Variants in EYS observed in about 807,000 individuals in gnomAD.
The protein encoded by EYS is EGF-like photoreceptor maintenance factor, also known as protein eyes shut homolog.
In EYS, 250 loss-of-function variants were observed where a neutral mutation model predicts 282.1. That is an observed-to-expected ratio of 0.89 (90% CI 0.80 to 0.98). The LOEUF is 0.98. EYS is among the 50% of genes least tolerant of loss of function. The pLI, the probability that EYS is intolerant of heterozygous loss-of-function variation, is 0.00. For missense variants in EYS, 4,016 were observed against 3,709.0 expected (o/e 1.08, Z -2.15); for synonymous variants, 1,355 against 1,282.9 (o/e 1.06, Z -1.20).
chr6:65,124,167 T>A (rs1561978427), intron 12 of EYS, among the ~76,000 whole-genome samples: 1 of 151,840 alleles, frequency 6.6e-6, no homozygotes, highest in Non-Finnish European at 1.5e-5. Context: ...AGTGAGACAC[T>A]GTCTCAAAAA....
intron 2 of EYS, among the ~76,000 whole-genome samples, chr6:65,589,753 A>G (rs1463145602): frequency 6.6e-6 from 1 of 151,998 alleles, no homozygotes; most frequent in African/African-American, 2.4e-5. Flanking sequence ...AAGAAAAAAC[A>G]CTTTCTCTGA....
At chr6:65,364,505 G>T in intron 8 of EYS, among the ~76,000 whole-genome samples, 1 of 148,154 alleles carries the variant, frequency 6.7e-6, no homozygotes, top group Admixed American at 7.2e-5. Context: ...TTAATTCATG[G>T]TCCTCATAAA....
intron 14 of EYS, among the ~76,000 whole-genome samples, chr6:64,951,038 A>T (rs1769487625): frequency 6.6e-6 from 1 of 151,446 alleles, no homozygotes; most frequent in Admixed American, 6.6e-5. Context: ...AAAAGAAAAC[A>T]CTAGCATTCA....
chr6:64,660,327 A>G lies in EYS; in HGVS notation c.3444-34082T>C, dbSNP rs557609724. 1.8e-4 allele frequency among the ~76,000 whole-genome samples: 28 copies of G among 152,046 alleles called. No individual in the cohort carries two copies. The East Asian group carries it at 4.8e-3, about 26-fold the overall frequency. On this transcript the variant is annotated intron_variant, in intron 22 of 42. Coordinates refer to ENST00000503581, the MANE Select transcript of EYS (RefSeq NM_001142800.2). ...AAGCATTCCCTTTGAAAACTGGCACAAGACAGGGATGCCCTCTCTCACCAC... is the reference window on the plus strand; with the variant it reads ...AAGCATTCCCTTTGAAAACTGGCACGAGACAGGGATGCCCTCTCTCACCAC...
chr6:64,435,775 A>G (rs1318221429), intron 28 of EYS, among the ~76,000 whole-genome samples: 1 of 151,848 alleles, frequency 6.6e-6, no homozygotes, highest in Admixed American at 6.6e-5. Context: ...ATATACCTTA[A>G]TTACTCAATC....
At chr6:65,257,889 T>G (rs932463544) in intron 12 of EYS, among the ~76,000 whole-genome samples, 4 of 151,666 alleles carry the variant, frequency 2.6e-5, no homozygotes, top group African/African-American at 9.7e-5. Flanking sequence ...GGTTAATGAG[T>G]TCAAAAATAT....
intron 29 of EYS, among the ~76,000 whole-genome samples, chr6:64,343,790 C>G (rs1466282522): frequency 6.6e-6 from 1 of 151,848 alleles, no homozygotes; most frequent in South Asian, 2.1e-4. Flanking sequence ...AAAAGATCAA[C>G]AAAATTGATA....
At chr6:65,009,454 G>A (rs1205764796) in intron 13 of EYS, among the ~76,000 whole-genome samples, 1 of 152,166 alleles carries the variant, frequency 6.6e-6, no homozygotes, top group East Asian at 1.9e-4. Context: ...AGGAAGCAGA[G>A]TGGTTTACAG....
chr6:65,300,993 C>T (rs1240373004), intron 11 of EYS: 1 of 152,168 alleles, frequency 6.6e-6, no homozygotes, highest in Admixed American at 6.5e-5. Flanking sequence ...GCTCATAAAG[C>T]TTTCAACCAA....
At chr6:65,500,761 C>T (rs1303886527) in intron 2 of EYS, among the ~76,000 whole-genome samples, 1 of 151,908 alleles carries the variant, frequency 6.6e-6, no homozygotes, top group Non-Finnish European at 1.5e-5. Flanking sequence ...TCTTATTTCT[C>T]TCTCCCAGGT....
chr6:63,962,129 G>A lies in EYS; in HGVS notation c.7055+22254C>T, dbSNP rs1403825346. On this transcript the variant is annotated intron_variant, in intron 35 of 42. Coordinates refer to ENST00000503581, the MANE Select transcript of EYS (RefSeq NM_001142800.2). ...TAACTCAAGATGGATTAAAGACTTA[G>A]ATGTTAGACCAAAAACCATAAAAAC... Among the ~76,000 whole-genome samples the A allele has an allele frequency of 3.3e-5, 5 of 152,034 alleles. No individual in the cohort carries two copies. In the East Asian group the frequency reaches 5.8e-4, roughly 18 times the overall value.
intron 2 of EYS, among the ~76,000 whole-genome samples, chr6:65,599,235 T>A (rs57391513): frequency 0.18 from 26,977 of 149,148 alleles, 2,717 homozygotes; most frequent in African/African-American, 0.29. Context: ...TTGAAAAAAA[T>A]CTGCATATAA....
At chr6:64,192,172 G>A (rs1323754133) in intron 31 of EYS, among the ~76,000 whole-genome samples, 4 of 146,596 alleles carry the variant, frequency 2.7e-5, no homozygotes, top group Admixed American at 6.9e-5. Context: ...TTTTTGATGG[G>A]GTTGTTTGTT....
intron 22 of EYS, among the ~76,000 whole-genome samples, chr6:64,734,037 C>T (rs1772076556): frequency 6.6e-6 from 1 of 151,534 alleles, no homozygotes; most frequent in Non-Finnish European, 1.5e-5. Context: ...CAAACGAAAC[C>T]CTTAGATGAC....
At chr6:64,329,381 G>T (rs1469398579) in intron 29 of EYS, among the ~76,000 whole-genome samples, 1 of 152,200 alleles carries the variant, frequency 6.6e-6, no homozygotes, top group East Asian at 1.9e-4. Context: ...CACTAGAAGG[G>T]GACATGACTC....
intron 33 of EYS, among the ~76,000 whole-genome samples, chr6:64,020,489 G>A (rs999150717): frequency 3.9e-5 from 6 of 152,246 alleles, no homozygotes; most frequent in East Asian, 3.9e-4. Flanking sequence ...AAAGTATAAG[G>A]TAGATTATGT....
At chr6:63,984,079 A>G in intron 35 of EYS, among the ~76,000 whole-genome samples, 1 of 151,772 alleles carries the variant, frequency 6.6e-6, no homozygotes, top group East Asian at 1.9e-4. Flanking sequence ...TCTCATTCAT[A>G]TTTACAAGAA....
intron 19 of EYS, among the ~76,000 whole-genome samples, chr6:64,833,768 G>T (rs1303883064): frequency 6.6e-6 from 1 of 151,728 alleles, no homozygotes; most frequent in Non-Finnish European, 1.5e-5. Flanking sequence ...GATAAGCACT[G>T]AAATCTTTCT....
intron 41 of EYS, among the ~76,000 whole-genome samples, chr6:63,760,660 CTAT>C (rs1769610964): frequency 1.1e-5 from 1 of 93,796 alleles, no homozygotes; most frequent in African/African-American, 3.9e-5. Context: ...ATCTATCTAT[CTAT>C]CTATCTATCT....
Sources: allele counts gnomAD v4.1 joint callset (sites outside exome capture counted in the v4.1 genomes callset), GRCh38; gene constraint gnomAD v4.1.1; transcripts MANE v1.5; gene names NCBI Gene and HGNC (gene_info 2026-07-23, HGNC 2026-07-21).